The following SLC39A11 variants were observed in gnomAD, a reference collection of about 807,000 sequenced individuals.
SLC39A11 encodes the protein zinc transporter ZIP11.
A neutral mutation model predicts 36.1 loss-of-function variants in SLC39A11; 33 were observed. The ratio of observed to expected loss-of-function variants is 0.91; its 90% confidence interval spans 0.69 to 1.22. The LOEUF is 1.22. SLC39A11 is among the 50% of genes most tolerant of loss of function. The pLI, the probability that SLC39A11 is intolerant of heterozygous loss-of-function variation, is 0.00. For missense variants in SLC39A11, 432 were observed against 430.3 expected, an observed-to-expected ratio of 1.00 and a Z score of -0.03; for synonymous variants, 166 against 170.3, an observed-to-expected ratio of 0.97 and a Z score of 0.20.
intron 7 of SLC39A11, among the ~76,000 whole-genome samples, chr17:72,656,340 A>G (rs2070118741): frequency 6.6e-6 from 1 of 152,060 alleles, no homozygotes; most frequent in Non-Finnish European, 1.5e-5. Context: ...TAGAAAAGAA[A>G]CCGCAGGCTG....
chr17:72,754,031 TATATATATATATATACAC>T (rs1406164313), intron 6 of SLC39A11, among the ~76,000 whole-genome samples: 3 of 116,048 alleles, frequency 2.6e-5, no homozygotes, highest in Admixed American at 9.3e-5. Context: ...TATATATATA[TATATATATATATATACAC>T]ATACACACAC....
intron 6 of SLC39A11, among the ~76,000 whole-genome samples, chr17:72,781,299 ACTC>A (rs2076308700): frequency 6.6e-6 from 1 of 151,276 alleles, no homozygotes; most frequent in South Asian, 2.1e-4. Context: ...GCTTCAGAGA[ACTC>A]CTCCCAGAAC....
At chr17:72,759,254 C>G (rs1406768227) in intron 6 of SLC39A11, among the ~76,000 whole-genome samples, 4 of 147,850 alleles carry the variant, frequency 2.7e-5, no homozygotes, top group Non-Finnish European at 6.0e-5. Context: ...TTTGTGGAGC[C>G]AAAAAAAAAT....
At chr17:73,030,161 A>G (rs1360058960) in intron 4 of SLC39A11, among the ~76,000 whole-genome samples, 1 of 152,172 alleles carries the variant, frequency 6.6e-6, no homozygotes, top group African/African-American at 2.4e-5. Context: ...CAGGAGGCGG[A>G]GCTCAGAAGA....
chr17:72,659,853 A>C (rs2070331821), intron 7 of SLC39A11, among the ~76,000 whole-genome samples: 1 of 151,982 alleles, frequency 6.6e-6, no homozygotes, highest in African/African-American at 2.4e-5. Context: ...TGCCCGCCTC[A>C]GGCTCCCAAA....
At chr17:72,713,067 TAAG>T (rs1386035567) in intron 7 of SLC39A11, 1 of 152,342 alleles carries the variant, frequency 6.6e-6, no homozygotes, top group African/African-American at 2.4e-5. Flanking sequence ...AAGACAGTCC[TAAG>T]AGTCCAGGTA....
intron 7 of SLC39A11, among the ~76,000 whole-genome samples, chr17:72,716,919 A>G (rs1311732058): frequency 6.6e-6 from 1 of 150,584 alleles, no homozygotes; most frequent in African/African-American, 2.5e-5. Context: ...CAGTGAGCCA[A>G]GACGATGCCA....
intron 4 of SLC39A11, among the ~76,000 whole-genome samples, chr17:72,975,555 G>A (rs931063588): frequency 3.9e-5 from 6 of 152,332 alleles, no homozygotes; most frequent in Middle Eastern, 3.4e-3. Flanking sequence ...ACCAGAAAGT[G>A]AGCTTTTCAC....
At chr17:73,082,343 T>C (rs116950925) in intron 3 of SLC39A11, among the ~76,000 whole-genome samples, 1,725 of 152,148 alleles carry the variant, frequency 0.011, 15 homozygotes, top group Non-Finnish European at 0.017. Context: ...CAAAATGTTA[T>C]TTGAAATGTA....
rs1178370433 is a variant in SLC39A11 at position 73,018,461 on chromosome 17, T to C, written c.306+13095A>G. Among the ~76,000 whole-genome samples, 3 of 151,940 alleles carry C rather than the reference T, an allele frequency of 2.0e-5. No homozygotes were observed. In the East Asian group the frequency reaches 5.8e-4, roughly 29 times the overall value. Reference sequence around the variant, plus strand: ...TACTCAGAAAGCTGAGGCAGGAGAATCACTTGAACCTAGGCAGCAGAGGTT... The same window carrying C: ...TACTCAGAAAGCTGAGGCAGGAGAACCACTTGAACCTAGGCAGCAGAGGTT... On this transcript the variant is annotated intron_variant, in intron 4 of 9. Coordinates refer to ENST00000255559, the MANE Select transcript of SLC39A11 (RefSeq NM_139177.4).
chr17:72,730,086 C>G (rs1383338571), intron 7 of SLC39A11, among the ~76,000 whole-genome samples: 1 of 152,186 alleles, frequency 6.6e-6, no homozygotes, highest in Non-Finnish European at 1.5e-5. Context: ...TGAACGTAAG[C>G]TTTCTAATGA....
chr17:72,859,530 A>G (rs1253934612), intron 5 of SLC39A11, among the ~76,000 whole-genome samples: 1 of 151,962 alleles, frequency 6.6e-6, no homozygotes, highest in Non-Finnish European at 1.5e-5. Flanking sequence ...GGCAGGGACA[A>G]GGGAGACCAG....
intron 7 of SLC39A11, among the ~76,000 whole-genome samples, chr17:72,735,667 T>G (rs577537865): frequency 6.6e-6 from 1 of 152,214 alleles, no homozygotes; most frequent in Non-Finnish European, 1.5e-5. Context: ...CCTGACTGTC[T>G]CCACCCATTT....
chr17:72,955,409 T>A (rs529114139), intron 4 of SLC39A11, among the ~76,000 whole-genome samples: 145 of 144,068 alleles, frequency 1.0e-3, no homozygotes, highest in Middle Eastern at 3.8e-3. Flanking sequence ...TTCAAGCAAT[T>A]CTCATGCCTC....
At chr17:72,727,713 C>A (rs1489284602) in intron 7 of SLC39A11, among the ~76,000 whole-genome samples, 1 of 152,136 alleles carries the variant, frequency 6.6e-6, no homozygotes, top group Non-Finnish European at 1.5e-5. Context: ...ACAGGCCTCC[C>A]TCTGCTGGCT....
chr17:73,050,523 G>C (rs1292782604), intron 3 of SLC39A11, among the ~76,000 whole-genome samples: 1 of 150,404 alleles, frequency 6.6e-6, no homozygotes, highest in Non-Finnish European at 1.5e-5. Context: ...GAGTGCAGTG[G>C]CTCAATCTTG....
chr17:72,828,444 C>A (rs549003621), intron 6 of SLC39A11, among the ~76,000 whole-genome samples: 75 of 152,238 alleles, frequency 4.9e-4, no homozygotes, highest in Non-Finnish European at 9.7e-4. Flanking sequence ...TCTCCTAGAG[C>A]TTCCAGAAAG....
At chr17:73,035,885 A>G (rs999582654) in intron 3 of SLC39A11, among the ~76,000 whole-genome samples, 74 of 150,868 alleles carry the variant, frequency 4.9e-4, no homozygotes, top group African/African-American at 1.7e-3. Context: ...AAAAAAAAAA[A>G]AAGAAGGGTC....
chr17:72,683,693 G>C (rs1402988590), intron 7 of SLC39A11, among the ~76,000 whole-genome samples: 3 of 151,930 alleles, frequency 2.0e-5, no homozygotes, highest in Non-Finnish European at 4.4e-5. Context: ...TGCCATAAAA[G>C]CTCCAACCAA....
Sources: gnomAD v4.1 joint callset for allele counts (sites outside exome capture counted in the v4.1 genomes callset) on GRCh38, gnomAD v4.1.1 for gene constraint, MANE v1.5 for transcripts, NCBI Gene and HGNC (gene_info 2026-07-23, HGNC 2026-07-21) for gene names.